The following TMEM117 variants were observed in gnomAD, a reference collection of about 807,000 sequenced individuals.
The protein encoded by TMEM117 is transmembrane protein 117.
Under a neutral mutation model 52.4 loss-of-function variants are expected in TMEM117, and 27 were observed. The ratio of observed to expected loss-of-function variants is 0.51; its 90% confidence interval spans 0.38 to 0.71. The LOEUF (loss-of-function observed/expected upper bound fraction) is 0.71. Among genes scored for constraint, TMEM117 ranks in the 30% least tolerant of loss-of-function variants. The pLI is 0.00. For synonymous variants in TMEM117, 215 were observed against 206.3 expected, an observed-to-expected ratio of 1.04 and a Z score of -0.36; for missense variants, 556 against 630.5, an observed-to-expected ratio of 0.88 and a Z score of 1.26.
chr12:44,340,272 G>T (rs1565733105), intron 6 of TMEM117, among the ~76,000 whole-genome samples: 1 of 152,028 alleles, frequency 6.6e-6, no homozygotes, highest in Non-Finnish European at 1.5e-5. Context: ...AGTGAGTAAA[G>T]ACTATAAAGA....
the TMEM117 span, among the ~76,000 whole-genome samples, chr12:43,812,999 C>A: frequency 0.028 from 4,043 of 142,818 alleles, 95 homozygotes; most frequent in Non-Finnish European, 0.042. Flanking sequence ...AGAGTGAGAC[C>A]CTGTCTCCAA....
At chr12:44,317,002 CTTT>C (rs1202276425) in intron 6 of TMEM117, among the ~76,000 whole-genome samples, 3,760 of 121,460 alleles carry the variant, frequency 0.031, 69 homozygotes, top group African/African-American at 0.06. Context: ...TTTTCTTTTT[CTTT>C]TTTTTTTTTT....
At chr12:43,891,706 T>G (rs1020173491) in intron 2 of TMEM117, among the ~76,000 whole-genome samples, 5 of 152,188 alleles carry the variant, frequency 3.3e-5, no homozygotes, top group African/African-American at 4.8e-5. Flanking sequence ...AACTGCTTTC[T>G]AGAAAACACT....
In TMEM117 at chr12:43,844,604, A is replaced by G. The variant is rs1283276871; in HGVS notation, c.-28-20A>G. Reference sequence around the variant, plus strand: ...TTACTTGTTTTCCTCCTCTAACCCTATCTATCTTTTCTTATACAGGTAAAC... The same window carrying G: ...TTACTTGTTTTCCTCCTCTAACCCTGTCTATCTTTTCTTATACAGGTAAAC... On this transcript the variant is annotated intron_variant, in intron 1 of 7. Coordinates refer to ENST00000266534, the MANE Select transcript of TMEM117 (RefSeq NM_032256.3). 6.3e-7 allele frequency: 1 copy of G among 1,577,852 alleles called. No individual in the cohort carries two copies. The highest frequency in any genetic ancestry group is 1.2e-5 in the South Asian group (1 of 83,826).
chr12:44,071,578 A>G (rs1174846788), intron 3 of TMEM117, among the ~76,000 whole-genome samples: 1 of 152,224 alleles, frequency 6.6e-6, no homozygotes, highest in Admixed American at 6.5e-5. Context: ...AGCTATAATT[A>G]AACTACTTAC....
chr12:43,970,570 G>T (rs1464917558), intron 3 of TMEM117, among the ~76,000 whole-genome samples: 1 of 152,162 alleles, frequency 6.6e-6, no homozygotes, highest in African/African-American at 2.4e-5. Flanking sequence ...TTACAGACAT[G>T]AGCCACTGCA....
chr12:44,283,858 A>G (rs79211864), intron 5 of TMEM117, among the ~76,000 whole-genome samples: 9,630 of 152,180 alleles, frequency 0.063, 380 homozygotes, highest in African/African-American at 0.11. Context: ...TAGAATTCCC[A>G]CGTGTTGCGG....
At position 44,388,519 on chromosome 12, in the gene TMEM117, T is replaced by A. The variant is rs748845682; in HGVS notation, c.1392T>A (p.Pro464=). The A allele has an allele frequency of 1.9e-6, 3 of 1,613,578 alleles. No individual in the cohort carries two copies. In the South Asian group the frequency reaches 3.3e-5, roughly 18 times the overall value. The part of the protein sequence containing the change: ...QASVEDPLND[P]SLVCIRSDFN... ...CAGTAGAAGACCCCTTGAATGACCCTTCTTTGGTTTGCATCAGGTCTGACT... is the reference window on the plus strand; with the variant it reads ...CAGTAGAAGACCCCTTGAATGACCCATCTTTGGTTTGCATCAGGTCTGACT... Residue 464 remains proline (P), a synonymous_variant, in exon 8 of 8, where the codon CCT becomes CCA. Transcript: ENST00000266534.
chr12:43,875,830 C>G (rs923654727), intron 2 of TMEM117, among the ~76,000 whole-genome samples: 24 of 152,104 alleles, frequency 1.6e-4, no homozygotes, highest in Non-Finnish European at 3.2e-4. Flanking sequence ...GTCCTACTCA[C>G]TCTTCTCTCT....
the TMEM117 span, among the ~76,000 whole-genome samples, chr12:43,802,959 G>A: frequency 6.6e-6 from 1 of 152,088 alleles, no homozygotes; most frequent in Non-Finnish European, 1.5e-5. Flanking sequence ...GTATACACTG[G>A]TATAGCCACT....
intron 4 of TMEM117, among the ~76,000 whole-genome samples, chr12:44,201,185 A>G (rs1949491284): frequency 6.6e-6 from 1 of 152,174 alleles, no homozygotes; most frequent in Admixed American, 6.5e-5. Flanking sequence ...GTGAGACAAT[A>G]GAAGATGAAA....
At chr12:44,250,434 T>A (rs953707206) in intron 5 of TMEM117, among the ~76,000 whole-genome samples, 1 of 152,140 alleles carries the variant, frequency 6.6e-6, no homozygotes, top group Non-Finnish European at 1.5e-5. Flanking sequence ...ATGTGGCAAT[T>A]CCTCAAGGAT....
chr12:44,012,195 T>C (rs945431754), intron 3 of TMEM117, among the ~76,000 whole-genome samples: 6 of 152,146 alleles, frequency 3.9e-5, no homozygotes, highest in African/African-American at 1.2e-4. Context: ...GGTGTTTTTT[T>C]CCCTCTGGTT....
intron 4 of TMEM117, among the ~76,000 whole-genome samples, chr12:44,178,229 G>C (rs1333944694): frequency 6.6e-6 from 1 of 151,952 alleles, no homozygotes; most frequent in Non-Finnish European, 1.5e-5. Flanking sequence ...TCAATTTATT[G>C]ACCCATATTG....
At chr12:44,297,837 A>G (rs1460031343) in intron 5 of TMEM117, among the ~76,000 whole-genome samples, 1 of 152,182 alleles carries the variant, frequency 6.6e-6, no homozygotes, top group African/African-American at 2.4e-5. Flanking sequence ...TTCTTATTAC[A>G]TAATACTTGC....
intron 3 of TMEM117, among the ~76,000 whole-genome samples, chr12:44,121,011 C>T (rs1013004915): frequency 6.6e-6 from 1 of 152,186 alleles, no homozygotes; most frequent in Non-Finnish European, 1.5e-5. Context: ...GCTGGAGAGG[C>T]CCCACAATCA....
At chr12:44,353,670 A>G (rs1592713302) in intron 6 of TMEM117, among the ~76,000 whole-genome samples, 2 of 152,170 alleles carry the variant, frequency 1.3e-5, no homozygotes, top group African/African-American at 4.8e-5. Flanking sequence ...CTGTTTTGGT[A>G]CCAGTACCAT....
At chr12:44,273,859 G>T (rs1485231976) in intron 5 of TMEM117, among the ~76,000 whole-genome samples, 2 of 152,014 alleles carry the variant, frequency 1.3e-5, no homozygotes, top group African/African-American at 4.8e-5. Flanking sequence ...CCCAAAACTA[G>T]TATCATACTG....
At chr12:43,992,704 C>A (rs80192513) in intron 3 of TMEM117, among the ~76,000 whole-genome samples, 1 of 152,164 alleles carries the variant, frequency 6.6e-6, no homozygotes, top group Admixed American at 6.5e-5. Context: ...CTGGCCCAGG[C>A]CCCCAGCTTC....
Sources: allele counts gnomAD v4.1 joint callset (sites outside exome capture counted in the v4.1 genomes callset), GRCh38; gene constraint gnomAD v4.1.1; transcripts MANE v1.5; gene names NCBI Gene and HGNC (gene_info 2026-07-23, HGNC 2026-07-21).